The following RAI14 variants were observed in gnomAD, a reference collection of about 807,000 sequenced individuals.
The protein encoded by RAI14 is retinoic acid induced 14, also known as ankycorbin.
Under a neutral mutation model 115.4 loss-of-function variants are expected in RAI14, and 45 were observed. The observed-to-expected ratio is 0.39, with a 90% confidence interval of 0.31 to 0.50. The LOEUF (loss-of-function observed/expected upper bound fraction) is 0.50, where lower values mean the gene tolerates loss of function less well. RAI14 is among the 20% of genes least tolerant of loss of function. The pLI, the probability that RAI14 is intolerant of heterozygous loss-of-function variation, is 0.85. For synonymous variants in RAI14, 371 were observed against 415.4 expected, an observed-to-expected ratio of 0.89 and a Z score of 1.30; for missense variants, 939 against 1,131.2, an observed-to-expected ratio of 0.83 and a Z score of 2.44.
chr5:34,803,557 A>G (rs1409105362), intron 4 of RAI14, among the ~76,000 whole-genome samples, 155 bp from the exon 5 acceptor site: 1 of 123,892 alleles, frequency 8.1e-6, no homozygotes, highest in East Asian at 2.3e-4. Flanking sequence ...ACCCTGTCTC[A>G]AAAAACAAAA....
At chr5:34,741,283 T>C (rs1398271131) in intron 2 of RAI14, among the ~76,000 whole-genome samples, 1 of 152,224 alleles carries the variant, frequency 6.6e-6, no homozygotes, top group Non-Finnish European at 1.5e-5. Context: ...TATTTTACAA[T>C]GGAGAAAACA....
chr5:34,689,361 C>T (rs185795113), intron 2 of RAI14, among the ~76,000 whole-genome samples: 30 of 152,098 alleles, frequency 2.0e-4, no homozygotes, highest in Non-Finnish European at 2.8e-4. Flanking sequence ...ATTGTGTTCA[C>T]GCCACTGCAC....
chr5:34,822,960 A>C lies in RAI14; in HGVS notation c.1118A>C (p.Lys373Thr), dbSNP rs1040431124. The change falls in exon 15 of 18, where the codon AAA becomes ACA. Residue 373 changes from lysine (K) to threonine (T), a missense_variant. By Grantham distance (78) the Lys-to-Thr change is moderately conservative. Transcript: ENST00000265109. The part of the protein sequence containing the change: ...NKELQDKLQA[K>T]SPKEAEADLS... ...ATTCTTGCTTTTTTTTCCTAGGCCA[A>C]ATCACCCAAGGAGGCGGAAGCAGAC... 1 of 1,607,094 alleles carries C rather than the reference A, an allele frequency of 6.2e-7. No homozygotes were observed. Among genetic ancestry groups the C allele is most frequent in the Non-Finnish European group, 8.5e-7 (1 of 1,177,316 alleles).
At chr5:34,698,513 C>G (rs911911953) in intron 2 of RAI14, among the ~76,000 whole-genome samples, 11 of 151,978 alleles carry the variant, frequency 7.2e-5, no homozygotes, top group African/African-American at 2.7e-4. Context: ...CACAGTGACT[C>G]TGGTGTGTGG....
intron 2 of RAI14, among the ~76,000 whole-genome samples, chr5:34,704,370 C>A (rs1740425850): frequency 6.6e-6 from 1 of 152,204 alleles, no homozygotes; most frequent in African/African-American, 2.4e-5. Context: ...TAAACTCCTC[C>A]AGATAGTCAG....
At chr5:34,717,045 G>C (rs914456432) in intron 2 of RAI14, among the ~76,000 whole-genome samples, 3 of 152,096 alleles carry the variant, frequency 2.0e-5, no homozygotes, top group African/African-American at 7.2e-5. Context: ...ATCTTAACTT[G>C]TATGTTTATA....
At chr5:34,796,095 T>C (rs1230353510) in intron 4 of RAI14, 68 bp downstream of exon 4, 11 of 1,297,804 alleles carry the variant, frequency 8.5e-6, no homozygotes, top group Non-Finnish European at 1.2e-5. Context: ...GTAATACATA[T>C]TCATTATGGA....
chr5:34,678,223 G>A, intron 1 of RAI14, among the ~76,000 whole-genome samples: 1 of 151,948 alleles, frequency 6.6e-6, no homozygotes. Flanking sequence ...TCAGCCTCCC[G>A]AGTAGCTGGA....
rs117901283 is a variant in RAI14, at chr5:34,731,297, C to T, written c.37-26171C>T. Among the ~76,000 whole-genome samples the T allele has an allele frequency of 2.3e-3, 344 of 152,164 alleles. 9 individuals are homozygous for T. In the East Asian group the frequency reaches 0.031, roughly 14 times the overall value. The stretch of plus-strand genomic sequence containing the variant: ...TACTATAGTAAATTGAGAAAATATA[C>T]TCATATACATATATTTAAATTACAT... On this transcript the variant is annotated intron_variant, in intron 2 of 17. Coordinates refer to ENST00000265109, the MANE Select transcript of RAI14 (RefSeq NM_015577.3).
At chr5:34,711,571 G>T (rs2149965526) in intron 2 of RAI14, among the ~76,000 whole-genome samples, 1 of 152,314 alleles carries the variant, frequency 6.6e-6, no homozygotes. Flanking sequence ...GGCTTGGCCT[G>T]GGCTCAGAGG....
chr5:34,790,152 T>C (rs975836536), intron 3 of RAI14, among the ~76,000 whole-genome samples: 1 of 152,200 alleles, frequency 6.6e-6, no homozygotes, highest in Non-Finnish European at 1.5e-5. Context: ...ACATTGGTGA[T>C]TAATAACTGC....
intron 12 of RAI14, among the ~76,000 whole-genome samples, chr5:34,817,744 A>T (rs1239912233): frequency 1.3e-5 from 2 of 152,240 alleles, no homozygotes; most frequent in East Asian, 1.9e-4. Flanking sequence ...CAAAAAATTC[A>T]TATGGGATGA....
At chr5:34,786,948 TAAAGGGATGGCCTGAAAC>T (rs1027192342) in intron 3 of RAI14, among the ~76,000 whole-genome samples, 1 of 152,158 alleles carries the variant, frequency 6.6e-6, no homozygotes, top group Non-Finnish European at 1.5e-5. Context: ...TTATGGGAAA[TAAAGGGATGGCCTGAAAC>T]AAAGGGATGG....
intron 3 of RAI14, among the ~76,000 whole-genome samples, chr5:34,780,092 T>G (rs1329328121): frequency 6.6e-6 from 1 of 152,158 alleles, no homozygotes; most frequent in East Asian, 1.9e-4. Context: ...ATCTGATCTT[T>G]GACAAACCTG....
At position 34,747,750 on chromosome 5, in the gene RAI14, C is replaced by T. The variant is rs1454161540; in HGVS notation, c.37-9718C>T. ...TCTTAAAGAGGTTAATTAATAGTAG[C>T]TCCCAAGGTAGAAATGAGAAAAACA... On this transcript the variant is annotated intron_variant, in intron 2 of 17. Coordinates refer to ENST00000265109, the MANE Select transcript of RAI14 (RefSeq NM_015577.3). Among the ~76,000 whole-genome samples the T allele has an allele frequency of 3.3e-5, 5 of 152,108 alleles. No homozygotes were observed. The East Asian group carries it at 9.6e-4, about 29-fold the overall frequency.
intron 2 of RAI14, among the ~76,000 whole-genome samples, chr5:34,723,298 T>TCTA (rs1743031980): frequency 6.6e-6 from 1 of 152,118 alleles, no homozygotes; most frequent in East Asian, 1.9e-4. Flanking sequence ...TCTAAGGAAT[T>TCTA]GGCTCATGTG....
At chr5:34,755,374 G>A (rs1334552233) in intron 2 of RAI14, among the ~76,000 whole-genome samples, 2 of 152,158 alleles carry the variant, frequency 1.3e-5, no homozygotes, top group African/African-American at 2.4e-5. Flanking sequence ...AAACCTATGA[G>A]GAGAGTCATC....
chr5:34,674,941 G>C (rs1319745983), intron 1 of RAI14, among the ~76,000 whole-genome samples: 1 of 147,620 alleles, frequency 6.8e-6, no homozygotes, highest in Non-Finnish European at 1.5e-5. Flanking sequence ...TTTGTCACCA[G>C]GCCTGAGTCC....
intron 2 of RAI14, among the ~76,000 whole-genome samples, chr5:34,740,318 A>G (rs796242114): frequency 3.3e-5 from 5 of 152,214 alleles, no homozygotes; most frequent in Non-Finnish European, 4.4e-5. Flanking sequence ...CTGAATCCAT[A>G]GCACAAGACC....
Sources: allele counts gnomAD v4.1 joint callset (sites outside exome capture counted in the v4.1 genomes callset), GRCh38; gene constraint gnomAD v4.1.1; transcripts MANE v1.5; gene names NCBI Gene and HGNC (gene_info 2026-07-23, HGNC 2026-07-21).